The following ADGRG6 variants were observed in gnomAD, a reference collection of about 807,000 sequenced individuals.
The protein encoded by ADGRG6 is adhesion G protein-coupled receptor G6, also known as G-protein coupled receptor 126.
A neutral mutation model predicts 142.4 loss-of-function variants in ADGRG6; 84 were observed. The observed-to-expected ratio is 0.59, with a 90% CI of 0.49 to 0.71. The LOEUF is 0.71. Ranked by LOEUF, ADGRG6 falls within the 30% of genes least tolerant of loss-of-function variation. The pLI, the probability that ADGRG6 is intolerant of heterozygous loss-of-function variation, is 0.00. For missense variants in ADGRG6, 1,367 were observed against 1,466.6 expected, an observed-to-expected ratio of 0.93 and a Z score of 1.11; for synonymous variants, 521 against 520.5, an observed-to-expected ratio of 1.00 and a Z score of -0.01.
intron 8 of ADGRG6, 52 bp from the exon 9 acceptor site, chr6:142,393,844 G>A: frequency 9.2e-7 from 1 of 1,091,988 alleles, no homozygotes; most frequent in South Asian, 1.4e-5. Context: ...TTTTATTGTT[G>A]ATGATGTAGT....
chr6:142,320,081 T>G (rs1287392913), intron 2 of ADGRG6, among the ~76,000 whole-genome samples: 1 of 152,080 alleles, frequency 6.6e-6, no homozygotes, highest in East Asian at 1.9e-4. Context: ...AATGAACATA[T>G]GTAGTTTTGT....
In ADGRG6 at chr6:142,370,157, T is replaced by C. The variant is rs760732452; in HGVS notation, c.446-13T>C. ...GTTAACAGGTTTATCTTTCTTGTTA[T>C]GTTTTGTCCTAGTTGCCGTGTCCTT... is the stretch of plus-strand genomic sequence containing the variant. On this transcript the variant is annotated splice_polypyrimidine_tract_variant and intron_variant, in intron 3 of 24. Coordinates refer to ENST00000367609, the MANE Select transcript of ADGRG6 (RefSeq NM_198569.3). 38 of 1,578,744 alleles carry C rather than the reference T, an allele frequency of 2.4e-5. No individual in the cohort carries two copies. In the African/African-American group the frequency reaches 4.2e-4, roughly 17 times the overall value.
chr6:142,356,625 T>C (rs1417148172), intron 2 of ADGRG6, among the ~76,000 whole-genome samples: 3 of 152,162 alleles, frequency 2.0e-5, no homozygotes. Flanking sequence ...AAGGGAAAAA[T>C]TGAGGCTCTA....
chr6:142,302,241 TC>T lies in ADGRG6; in HGVS notation c.-84del. The T allele has an allele frequency of 2.0e-6, 3 of 1,509,080 alleles. No individual in the cohort carries two copies. The highest frequency in any genetic ancestry group is 2.7e-6 in the Non-Finnish European group (3 of 1,104,960). The allele number at this position is 1,509,080 out of a possible 1,614,324, so 93.5% of individuals were successfully genotyped here. A position where few individuals can be genotyped will look rare whatever the true frequency, so the allele number is the denominator to read the frequency against. On this transcript the variant is annotated 5_prime_UTR_variant, in exon 1 of 25. Transcript: ENST00000367609. ...CGGCGCAGGGCTGGGGCGCCTGGGT[TC>T]CCCCTGGGTGGAGCAGCGGCAGCAG...
chr6:142,437,642 A>G, intron 23 of ADGRG6, 107 bp downstream of exon 23: 1 of 686,176 alleles, frequency 1.5e-6, no homozygotes, highest in Non-Finnish European at 2.7e-6. Context: ...AAGCTATTGA[A>G]GTGGAGCATG....
Position 142,327,288 on chromosome 6 carries a change from G to T in ADGRG6, c.103+17644G>T, listed in dbSNP as rs1778823700. Among the ~76,000 whole-genome samples, 9 of 151,794 alleles carry T rather than the reference G, an allele frequency of 5.9e-5. No homozygotes were observed. The South Asian group carries it at 1.7e-3, about 28-fold the overall frequency. ...TTCATTAAAAAAAAAAAGTCTTTGG[G>T]GACTAGGAGGAACTGGAAGTACCAT... On this transcript the variant is annotated intron_variant, in intron 2 of 24. Coordinates refer to ENST00000367609, the MANE Select transcript of ADGRG6 (RefSeq NM_198569.3).
chr6:142,426,891 C>T (rs1262431464), intron 22 of ADGRG6, among the ~76,000 whole-genome samples: 2 of 152,186 alleles, frequency 1.3e-5, no homozygotes, highest in African/African-American at 2.4e-5. Flanking sequence ...GTACCTTGGA[C>T]TCTTAGTGGC....
chr6:142,410,369 T>C (rs1185489200), intron 17 of ADGRG6, among the ~76,000 whole-genome samples: 2 of 152,038 alleles, frequency 1.3e-5, no homozygotes, highest in African/African-American at 2.4e-5. Context: ...AATGTAAATA[T>C]AGAAATTGAT....
At position 142,382,907 on chromosome 6, in the gene ADGRG6, G is replaced by A. The variant is rs200198190; in HGVS notation, c.1139-853G>A. ...GAGTAGGGCAGGCAGGAGGTGGGGT[G>A]GGGTAACTCATTATTATCTTTTTTT... On this transcript the variant is annotated intron_variant, in intron 5 of 24. Transcript: ENST00000367609. 2.8e-3 allele frequency among the ~76,000 whole-genome samples: 425 copies of A among 152,064 alleles called. 3 individuals carry two copies. Among genetic ancestry groups the A allele is most frequent in the Middle Eastern group, 0.01 (3 of 294 alleles).
At chr6:142,319,709 A>G (rs1283412083) in intron 2 of ADGRG6, among the ~76,000 whole-genome samples, 1 of 152,108 alleles carries the variant, frequency 6.6e-6, no homozygotes, top group Non-Finnish European at 1.5e-5. Context: ...TATTTACTTT[A>G]AAGCAGTTGT....
At chr6:142,367,127 C>T (rs986144323) in intron 2 of ADGRG6, among the ~76,000 whole-genome samples, 1 of 152,204 alleles carries the variant, frequency 6.6e-6, no homozygotes, top group South Asian at 2.1e-4. Flanking sequence ...ACATTGAGCA[C>T]TATCTTTATG....
chr6:142,396,923 A>T (rs977779462), intron 9 of ADGRG6, among the ~76,000 whole-genome samples: 5 of 152,154 alleles, frequency 3.3e-5, no homozygotes, highest in Admixed American at 6.6e-5. Flanking sequence ...GGCTTTGGGG[A>T]TACATTTCTT....
chr6:142,349,732 A>T (rs1328299831), intron 2 of ADGRG6, among the ~76,000 whole-genome samples: 3 of 152,204 alleles, frequency 2.0e-5, no homozygotes, highest in Admixed American at 6.5e-5. Context: ...ACACAAAAAA[A>T]GGTGCTGATG....
At chr6:142,439,962 C>T (rs1777667663) in intron 24 of ADGRG6, among the ~76,000 whole-genome samples, 1 of 152,056 alleles carries the variant, frequency 6.6e-6, no homozygotes, top group African/African-American at 2.4e-5. Flanking sequence ...ACTCATTTTG[C>T]CTCCCCTTCT....
At chr6:142,385,931 A>C (rs1321169437) in intron 6 of ADGRG6, among the ~76,000 whole-genome samples, 2 of 152,188 alleles carry the variant, frequency 1.3e-5, no homozygotes, top group Non-Finnish European at 2.9e-5. Flanking sequence ...TATATTAGAG[A>C]ATACTATTTT....
chr6:142,305,854 A>T (rs889746813), intron 1 of ADGRG6, among the ~76,000 whole-genome samples: 1 of 152,122 alleles, frequency 6.6e-6, no homozygotes, highest in African/African-American at 2.4e-5. Flanking sequence ...TTTGAAGTGG[A>T]GGTACACCCA....
chr6:142,405,967 A>G (rs1221962080), intron 15 of ADGRG6, 139 bp downstream of exon 15: 1 of 557,264 alleles, frequency 1.8e-6, no homozygotes, highest in South Asian at 2.8e-5. Flanking sequence ...GAAAATTTTT[A>G]ATATAATTGT....
At chr6:142,341,322 A>T (rs1034254791) in intron 2 of ADGRG6, among the ~76,000 whole-genome samples, 4 of 142,062 alleles carry the variant, frequency 2.8e-5, no homozygotes, top group Non-Finnish European at 6.0e-5. Flanking sequence ...CACTTGGGTT[A>T]TTAGTAACTT....
chr6:142,321,515 C>T (rs867958899), intron 2 of ADGRG6, among the ~76,000 whole-genome samples: 2 of 151,764 alleles, frequency 1.3e-5, no homozygotes, highest in South Asian at 2.1e-4. Flanking sequence ...TATTACTCAG[C>T]AAAAAAGGAA....
Sources: allele counts gnomAD v4.1 joint callset (sites outside exome capture counted in the v4.1 genomes callset), GRCh38; gene constraint gnomAD v4.1.1; transcripts MANE v1.5; gene names NCBI Gene and HGNC (gene_info 2026-07-23, HGNC 2026-07-21).